Variants in ARHGEF6 observed in about 807,000 individuals in gnomAD.
The protein encoded by ARHGEF6 is rho guanine nucleotide exchange factor 6.
A neutral mutation model predicts 70.3 loss-of-function variants in ARHGEF6; 9 were observed. That is an observed-to-expected ratio of 0.13 (90% CI 0.08 to 0.22). The LOEUF (loss-of-function observed/expected upper bound fraction) is 0.22, where lower values mean the gene tolerates loss of function less well. Among genes scored for constraint, ARHGEF6 ranks in the 10% least tolerant of loss-of-function variants. ARHGEF6 has a pLI of 1.00. For missense variants in ARHGEF6, 470 were observed against 563.0 expected (o/e 0.83, Z 1.67); for synonymous variants, 201 against 207.8 (o/e 0.97, Z 0.28).
At chrX:136,767,379 G>C (rs2077327001) in intron 2 of ARHGEF6, 1 of 754,260 alleles carries the variant, frequency 1.3e-6, no homozygotes, top group Non-Finnish European at 1.6e-6. Context: ...GCGGGGAGGG[G>C]CGGCTGCAAC....
Position 136,667,883 on chromosome X carries a change from GGAGA to G in ARHGEF6, c.*142_*145del. On this transcript the variant is annotated 3_prime_UTR_variant, in exon 22 of 22. Coordinates refer to ENST00000250617, the MANE Select transcript of ARHGEF6 (RefSeq NM_004840.3). Reference sequence around the variant, plus strand: ...ACGCACACACATATGCACACAGCGGGGAGAGAAAGAGAAGAGAGAGGGAGAGAGA... The same window carrying G: ...ACGCACACACATATGCACACAGCGGGGAAAGAGAAGAGAGAGGGAGAGAGA... 1 of 779,899 alleles carries G rather than the reference GGAGA, an allele frequency of 1.3e-6. No homozygotes were observed. Among genetic ancestry groups the G allele is most frequent in the Non-Finnish European group, 1.9e-6 (1 of 523,859 alleles). The allele number at this position is 779,899 out of a possible 1,213,427, so 64.3% of individuals were successfully genotyped here.
chrX:136,769,209 C>T (rs1376732302), intron 2 of ARHGEF6, among the ~76,000 whole-genome samples: 5 of 110,913 alleles, frequency 4.5e-5, no homozygotes, highest in African/African-American at 1.6e-4. Context: ...GTCAGGAATT[C>T]GAGACCAGCC....
rs1249508000 is a variant in ARHGEF6 at position 136,668,530 on chromosome X, C to CTTATTATTATTATTA, written c.2191-362_2191-361insTAATAATAATAATAA. 5.4e-4 allele frequency among the ~76,000 whole-genome samples: 54 copies of CTTATTATTATTATTA among 99,993 alleles called. 1 individual carries two copies. Among genetic ancestry groups the CTTATTATTATTATTA allele is most frequent in the African/African-American group, 2.1e-3 (52 of 24,197 alleles). 86.8% of individuals were successfully genotyped at this position (99,993 alleles called of 115,157 possible). ...CCTGGTATTTCTTCTTCTTCTTCTTCTTCTTATTATTATTATTATTATTAT... is the reference window on the plus strand; with the variant it reads ...CCTGGTATTTCTTCTTCTTCTTCTTCTTATTATTATTATTATTCTTATTATTATTATTATTATTAT... On this transcript the variant is annotated intron_variant, in intron 21 of 21. Coordinates refer to ENST00000250617, the MANE Select transcript of ARHGEF6 (RefSeq NM_004840.3).
Position 136,667,922 on chromosome X carries a change from T to A in ARHGEF6, c.*107A>T. On this transcript the variant is annotated 3_prime_UTR_variant, in exon 22 of 22. Coordinates refer to ENST00000250617, the MANE Select transcript of ARHGEF6 (RefSeq NM_004840.3). ...GAGAGAGGGAGAGAGAGAGAGAGAC[T>A]CAAACACAAAACAAAAGCCAAAGAA... 9.8e-7 allele frequency: 1 copy of A among 1,024,149 alleles called. No individual in the cohort carries two copies. Among genetic ancestry groups the A allele is most frequent in the Non-Finnish European group, 1.4e-6 (1 of 734,045 alleles). 84.4% of individuals were successfully genotyped at this position (1,024,149 alleles called of 1,213,427 possible).
rs1190744107 is a variant in ARHGEF6 at position 136,680,845 on chromosome X, A to G, written c.1590T>C (p.Cys530=). The change falls in exon 15 of 22, where the codon TGT becomes TGC. Residue 530 remains cysteine (C), a synonymous_variant. Transcript: ENST00000250617. ...ATTCCTGGAAGTCCTGGTTGTTGTTACAATGGACCACAATTCTCTCCACTG... is the reference window on the plus strand; with the variant it reads ...ATTCCTGGAAGTCCTGGTTGTTGTTGCAATGGACCACAATTCTCTCCACTG... The part of the protein sequence containing the change: ...GNTVERIVVH[C]NNNQDFQEWL... 8.3e-7 allele frequency: 1 copy of G among 1,210,173 alleles called. No individual in the cohort carries two copies. Among genetic ancestry groups the G allele is most frequent in the Non-Finnish European group, 1.1e-6 (1 of 895,140 alleles).
intron 10 of ARHGEF6, 82 bp downstream of exon 10, chrX:136,690,528 T>C: frequency 8.9e-7 from 1 of 1,126,823 alleles, no homozygotes; most frequent in Middle Eastern, 2.4e-4. Flanking sequence ...TGCAAGGCCA[T>C]TTTGGAGGCA....
At position 136,711,805 on chromosome X, in the gene ARHGEF6, C is replaced by A. The variant is rs1026756438; in HGVS notation, c.827+1471G>T. On this transcript the variant is annotated intron_variant, in intron 7 of 21. Coordinates refer to ENST00000250617, the MANE Select transcript of ARHGEF6 (RefSeq NM_004840.3). ...TGAACTCCTGGCCTCAAGTGATCCA[C>A]CCGCCTCGGCCTCCCACAGTGCTGG... Among the ~76,000 whole-genome samples the A allele has an allele frequency of 3.6e-5, 4 of 112,298 alleles. No individual in the cohort carries two copies. The Admixed American group carries it at 3.8e-4, about 11-fold the overall frequency.
At chrX:136,714,385 C>T (rs910618271) in intron 6 of ARHGEF6, among the ~76,000 whole-genome samples, 3 of 111,995 alleles carry the variant, frequency 2.7e-5, no homozygotes, top group African/African-American at 6.5e-5. Context: ...TACCCTAGAA[C>T]TTAAAGTATA....
chrX:136,703,224 A>G (rs769175414), intron 9 of ARHGEF6, among the ~76,000 whole-genome samples: 129 of 112,484 alleles, frequency 1.1e-3, no homozygotes, highest in Non-Finnish European at 2.1e-3. Flanking sequence ...AAAACAACAT[A>G]TTGGACATCA....
chrX:136,679,749 G>A (rs2076315311), intron 15 of ARHGEF6, 89 bp from the exon 16 acceptor site: 1 of 1,095,508 alleles, frequency 9.1e-7, no homozygotes, highest in Admixed American at 2.2e-5. Context: ...AGCTTCATTG[G>A]ATTAGCAAAG....
chrX:136,751,462 C>T (rs765415422), intron 2 of ARHGEF6, among the ~76,000 whole-genome samples: 1 of 112,053 alleles, frequency 8.9e-6, no homozygotes, highest in East Asian at 2.8e-4. Context: ...TTACTGAGCT[C>T]CTGCTATGTT....
At chrX:136,683,176 C>T (rs1433171573) in intron 12 of ARHGEF6, among the ~76,000 whole-genome samples, 1 of 111,335 alleles carries the variant, frequency 9.0e-6, no homozygotes, top group Non-Finnish European at 1.9e-5. Context: ...CAAAATAAGT[C>T]TCCAGGTTCA....
chrX:136,670,842 T>C (rs2076218347), intron 20 of ARHGEF6, among the ~76,000 whole-genome samples: 1 of 111,162 alleles, frequency 9.0e-6, no homozygotes, highest in Non-Finnish European at 1.9e-5. Flanking sequence ...AAAGTAATTT[T>C]TTGGTAATTA....
intron 5 of ARHGEF6, among the ~76,000 whole-genome samples, chrX:136,739,828 G>A (rs1411517255): frequency 9.0e-6 from 1 of 111,051 alleles, no homozygotes; most frequent in East Asian, 2.9e-4. Context: ...GCAGGAGCCT[G>A]TCTGGCACAG....
At chrX:136,744,758 G>A (rs2077078059) in intron 4 of ARHGEF6, among the ~76,000 whole-genome samples, 1 of 111,799 alleles carries the variant, frequency 8.9e-6, no homozygotes, top group African/African-American at 3.3e-5. Flanking sequence ...TAATATAGAA[G>A]CTCATCATAG....
At chrX:136,677,047 G>A (rs904642095) in intron 17 of ARHGEF6, among the ~76,000 whole-genome samples, 6 of 112,206 alleles carry the variant, frequency 5.3e-5, no homozygotes, top group Admixed American at 1.9e-4. Context: ...CCCTAAAAAC[G>A]TAACAGTATT....
chrX:136,726,377 G>T (rs956694725), intron 6 of ARHGEF6, among the ~76,000 whole-genome samples: 1 of 111,568 alleles, frequency 9.0e-6, no homozygotes, highest in African/African-American at 3.3e-5. Flanking sequence ...TGGAAGAGCA[G>T]TATGGAGGAG....
intron 14 of ARHGEF6, among the ~76,000 whole-genome samples, chrX:136,681,499 T>C (rs768858714): frequency 3.6e-5 from 4 of 112,502 alleles, no homozygotes; most frequent in Non-Finnish European, 5.6e-5. Context: ...TTTTTAGAAA[T>C]ACAACCAAAT....
chrX:136,716,662 G>T (rs2076739853), intron 6 of ARHGEF6, among the ~76,000 whole-genome samples: 1 of 112,252 alleles, frequency 8.9e-6, no homozygotes, highest in South Asian at 3.7e-4. Flanking sequence ...AGAATTATCA[G>T]ACCAGTGTTT....
Sources: allele counts gnomAD v4.1 joint callset (sites outside exome capture counted in the v4.1 genomes callset), GRCh38; gene constraint gnomAD v4.1.1; transcripts MANE v1.5; gene names NCBI Gene and HGNC (gene_info 2026-07-23, HGNC 2026-07-21).